TRIM16: variants seen among roughly 807,000 people sequenced by gnomAD.
The protein encoded by TRIM16 is tripartite motif-containing protein 16.
In TRIM16, 33 loss-of-function variants were observed where a neutral mutation model predicts 50.4. That is an observed-to-expected ratio of 0.65 (90% confidence interval 0.50 to 0.88). The LOEUF (loss-of-function observed/expected upper bound fraction) is 0.88, where lower values mean the gene tolerates loss of function less well. Ranked by LOEUF, TRIM16 falls within the 40% of genes least tolerant of loss-of-function variation. TRIM16 has a pLI of 0.00. For missense variants in TRIM16, 581 were observed against 686.8 expected (o/e 0.85, Z 1.72); for synonymous variants, 229 against 270.7 (o/e 0.85, Z 1.51).
chr17:15,628,761 T>A lies in TRIM16; in HGVS notation c.1549A>T (p.Thr517Ser), dbSNP rs370116951. The change falls in exon 12 of 12, where the codon ACT becomes TCT. Residue 517 changes from threonine to serine, a missense_variant. Thr to Ser is a moderately conservative substitution (Grantham distance 58, BLOSUM62 1). Around this residue, in one of 3 missense-constraint regions of TRIM16, gnomAD observed 115 missense variants for 106.7 expected, o/e 1.08. Transcript: ENST00000649191. ...TTGCAGGCAAACTTGTGAACCAGAG[T>A]CATGGTATCATACTCTACGCCATAG... ...SFYGVEYDTM[T>S]LVHKFACKFS... 1 of 1,613,968 alleles carries A rather than the reference T, an allele frequency of 6.2e-7. No homozygotes were observed. The highest frequency in any genetic ancestry group is 1.1e-5 in the South Asian group (1 of 91,070).
rs1017123153 is a variant in TRIM16 at position 15,651,852 on chromosome 17, C to T, written c.-243G>A. ...TCAGGACAGCCGGCTCAGGCTCAGG[C>T]TGCCTCCCCAGGTCCAGCCCTGAAA... On this transcript the variant is annotated 5_prime_UTR_variant, in exon 7 of 12. Coordinates refer to ENST00000649191, the MANE Select transcript of TRIM16 (RefSeq NM_001348119.1). The T allele has an allele frequency of 2.8e-6, 4 of 1,422,304 alleles. No individual in the cohort carries two copies. In the African/African-American group the frequency reaches 5.8e-5, roughly 20 times the overall value. The allele number at this position is 1,422,304 out of a possible 1,614,324, so 88.1% of individuals were successfully genotyped here. A position where few individuals can be genotyped will look rare whatever the true frequency, so the allele number is the denominator to read the frequency against.
chr17:15,663,523 A>G (rs937234883), intron 6 of TRIM16, among the ~76,000 whole-genome samples: 1 of 152,190 alleles, frequency 6.6e-6, no homozygotes, highest in African/African-American at 2.4e-5. Context: ...CTAGGTCAGT[A>G]AGCCGAGGAT....
chr17:15,636,291 A>C, intron 8 of TRIM16, 22 bp from the exon 9 acceptor site: 1 of 1,606,884 alleles, frequency 6.2e-7, no homozygotes, highest in Non-Finnish European at 8.5e-7. Flanking sequence ...TGGGGGTGGA[A>C]GGCAGCCAAA....
At chr17:15,655,331 G>T (rs1244848429) in intron 6 of TRIM16, among the ~76,000 whole-genome samples, 1 of 152,162 alleles carries the variant, frequency 6.6e-6, no homozygotes, top group African/African-American at 2.4e-5. Flanking sequence ...TCCTGCTTGG[G>T]TTTCCACGTG....
At chr17:15,631,562 A>G in intron 11 of TRIM16, 57 bp downstream of exon 11, 1 of 1,574,174 alleles carries the variant, frequency 6.4e-7, no homozygotes, top group Non-Finnish European at 8.7e-7. Context: ...GTTCTGACTT[A>G]GCAAAGCACT....
At chr17:15,668,837 G>A (rs1360277351) in intron 6 of TRIM16, among the ~76,000 whole-genome samples, 3 of 151,992 alleles carry the variant, frequency 2.0e-5, no homozygotes, top group Non-Finnish European at 2.9e-5. Context: ...AGGACAATTA[G>A]TTCAATTGGC....
chr17:15,674,646 T>C (rs2601977), intron 6 of TRIM16, among the ~76,000 whole-genome samples: 3,378 of 150,412 alleles, frequency 0.022, 121 homozygotes, highest in African/African-American at 0.078. Flanking sequence ...TCCAGCCCCA[T>C]TCCCTAGCTA....
rs1451091016 is a variant in TRIM16, at chr17:15,628,991, G to A, written c.1319C>T (p.Thr440Ile). 3.7e-6 allele frequency: 6 copies of A among 1,613,676 alleles called. No individual in the cohort carries two copies. Among genetic ancestry groups the A allele is most frequent in the Non-Finnish European group, 4.2e-6 (5 of 1,179,900 alleles). ...GCCTTTGCAGGTCAGGCCAACATAG[G>A]TGCCTGCCCCGAAGATCTCCACCTC... ...YFEVEIFGAG[T>I]YVGLTCKGID... The change falls in exon 12 of 12, where the codon ACC becomes ATC. Residue 440 changes from threonine to isoleucine, a missense_variant. Around this residue, in one of 3 missense-constraint regions of TRIM16, gnomAD observed 450 missense variants for 544.3 expected, o/e 0.83. Transcript: ENST00000649191.
intron 4 of TRIM16, among the ~76,000 whole-genome samples, chr17:15,678,616 T>A (rs1989046617): frequency 6.6e-6 from 1 of 152,226 alleles, no homozygotes; most frequent in African/African-American, 2.4e-5. Context: ...GGTCCCTGAA[T>A]GGCCATCCTA....
In TRIM16 at chr17:15,651,342, C is replaced by T. The variant is rs1366023862; in HGVS notation, c.268G>A (p.Val90Met). Reference sequence around the variant, plus strand: ...ACCATGCAGGTTAGACAGGACTTCACTGCCTTCACTCTTCTGGTGTCATCA... The same window carrying T: ...ACCATGCAGGTTAGACAGGACTTCATTGCCTTCACTCTTCTGGTGTCATCA... ...CLDDTRRVKAVKSCLTCMVNY... is the reference protein window; with the variant it reads ...CLDDTRRVKAMKSCLTCMVNY... The change falls in exon 7 of 12, where the codon GTG becomes ATG. Residue 90 changes from valine (V) to methionine (M), a missense_variant. Physicochemically the swap from Val to Met is conservative, Grantham distance 21 (BLOSUM62 1). Around this residue, in one of 3 missense-constraint regions of TRIM16, gnomAD observed 450 missense variants for 544.3 expected, o/e 0.83. Coordinates refer to ENST00000649191, the MANE Select transcript of TRIM16 (RefSeq NM_001348119.1). 1.9e-6 allele frequency: 3 copies of T among 1,614,242 alleles called. No individual in the cohort carries two copies. The highest frequency in any genetic ancestry group is 2.7e-5 in the African/African-American group (2 of 75,062).
At chr17:15,662,687 AC>A (rs1219017054) in intron 6 of TRIM16, among the ~76,000 whole-genome samples, 1 of 152,204 alleles carries the variant, frequency 6.6e-6, no homozygotes, top group Non-Finnish European at 1.5e-5. Context: ...ATAGCTGACT[AC>A]ACATTCTGTG....
intron 6 of TRIM16, among the ~76,000 whole-genome samples, chr17:15,672,612 T>C (rs1325572995): frequency 6.6e-6 from 1 of 152,120 alleles, no homozygotes; most frequent in African/African-American, 2.4e-5. Context: ...CGCTTGCCTG[T>C]GGTCCCAGCT....
rs768662892 is a variant in TRIM16, at chr17:15,651,585, G to A, written c.25C>T (p.Pro9Ser). 5.3e-5 allele frequency: 86 copies of A among 1,613,798 alleles called. No homozygotes were observed. Among genetic ancestry groups the A allele is most frequent in the Middle Eastern group, 1.6e-4 (1 of 6,084 alleles). Residue 9 changes from proline to serine, a missense_variant, in exon 7 of 12, where the codon CCA becomes TCA. Pro to Ser is a moderately conservative substitution (Grantham distance 74). Coordinates refer to ENST00000649191, the MANE Select transcript of TRIM16 (RefSeq NM_001348119.1). The part of the protein sequence containing the change: MAELDLMA[P>S]GPLPRATAQP... ...GCAGTGGCCCTGGGCAGTGGCCCTG[G>A]AGCCATTAGATCCAACTCAGCCATC...
intron 4 of TRIM16, among the ~76,000 whole-genome samples, 199 bp downstream of exon 4, chr17:15,680,666 A>G (rs1443657011): frequency 1.3e-5 from 2 of 152,122 alleles, no homozygotes; most frequent in East Asian, 3.9e-4. Context: ...GGAACACGCA[A>G]ACACCATCTC....
intron 8 of TRIM16, 69 bp from the exon 9 acceptor site, chr17:15,636,338 A>G (rs1242585893): frequency 4.6e-6 from 7 of 1,531,532 alleles, no homozygotes; most frequent in Non-Finnish European, 6.3e-6. Flanking sequence ...ATAGAAACTC[A>G]ACATACAGAA....
In TRIM16 at chr17:15,628,861, C is replaced by G; in HGVS notation, c.1449G>C (p.Met483Ile). ...GKEFTAWYSD[M>I]ETPLKAGPFR... ...AAGGGCCAGCTTTGAGTGGGGTCTCCATGTCACTGTACCAGGCCGTGAACT... is the reference window on the plus strand; with the variant it reads ...AAGGGCCAGCTTTGAGTGGGGTCTCGATGTCACTGTACCAGGCCGTGAACT... The change falls in exon 12 of 12, where the codon ATG becomes ATC. Residue 483 changes from methionine to isoleucine, a missense_variant. Met to Ile is a conservative substitution (Grantham distance 10). Transcript: ENST00000649191. 7 of 1,614,228 alleles carry G rather than the reference C, an allele frequency of 4.3e-6. No homozygotes were observed. The highest frequency in any genetic ancestry group is 5.9e-6 in the Non-Finnish European group (7 of 1,180,044).
intron 8 of TRIM16, among the ~76,000 whole-genome samples, chr17:15,637,601 G>A (rs1597610979): frequency 2.9e-5 from 4 of 137,580 alleles, no homozygotes; most frequent in South Asian, 2.4e-4. Flanking sequence ...CCGGCCAGCC[G>A]CCCCGTCCGG....
intron 8 of TRIM16, among the ~76,000 whole-genome samples, chr17:15,638,258 TAAAAAAAAA>T (rs535590168): frequency 8.7e-6 from 1 of 115,080 alleles, no homozygotes; most frequent in African/African-American, 3.6e-5. Context: ...AAAATAAATT[TAAAAAAAAA>T]AAAAAAAAAG....
At chr17:15,680,165 C>T (rs1243606522) in intron 4 of TRIM16, among the ~76,000 whole-genome samples, 1 of 152,066 alleles carries the variant, frequency 6.6e-6, no homozygotes, top group Non-Finnish European at 1.5e-5. Context: ...TTTCAGGGCC[C>T]ACATCAAATC....
Sources: gnomAD v4.1 joint callset for allele counts (sites outside exome capture counted in the v4.1 genomes callset) on GRCh38, gnomAD v4.1.1 for gene constraint, gnomAD v4.1.1 regional missense constraint, MANE v1.5 for transcripts, NCBI Gene and HGNC (gene_info 2026-07-23, HGNC 2026-07-21) for gene names.